VPS13C: variants seen among roughly 807,000 people sequenced by gnomAD.
The protein encoded by VPS13C is intermembrane lipid transfer protein VPS13C.
In VPS13C, 358 loss-of-function variants were observed where a neutral mutation model predicts 456.8. The ratio of observed to expected loss-of-function variants is 0.78; its 90% CI spans 0.72 to 0.86. The LOEUF is 0.86. VPS13C is among the 40% of genes least tolerant of loss of function. The pLI, the probability that VPS13C is intolerant of heterozygous loss-of-function variation, is 0.00. For missense variants in VPS13C, 4,818 were observed against 4,385.4 expected (o/e 1.10, Z -2.79); for synonymous variants, 1,578 against 1,486.7 (o/e 1.06, Z -1.41).
chr15:62,039,047 T>C (rs911629006), intron 3 of VPS13C, among the ~76,000 whole-genome samples: 3 of 151,988 alleles, frequency 2.0e-5, no homozygotes, highest in Admixed American at 6.6e-5. Flanking sequence ...TACGGAGATA[T>C]CTCAAAGAAC....
intron 81 of VPS13C, chr15:61,866,901 G>A (rs532680633): frequency 4.1e-6 from 4 of 983,402 alleles, no homozygotes; most frequent in East Asian, 2.3e-4. Flanking sequence ...TTAAATCTAA[G>A]TTTATACTTT....
intron 46 of VPS13C, 89 bp downstream of exon 46, chr15:61,941,674 C>T: frequency 7.2e-7 from 1 of 1,386,990 alleles, no homozygotes; most frequent in Non-Finnish European, 9.6e-7. Flanking sequence ...ATGAAAACCA[C>T]AAATTACTAC....
chr15:62,050,949 G>C (rs1330342275), intron 1 of VPS13C, among the ~76,000 whole-genome samples: 1 of 147,746 alleles, frequency 6.8e-6, no homozygotes, highest in Admixed American at 6.7e-5. Flanking sequence ...AAAAAAAGTA[G>C]AAATAGTTGC....
chr15:61,965,029 A>G (rs2045335427), intron 30 of VPS13C, among the ~76,000 whole-genome samples, 168 bp from the exon 31 acceptor site: 1 of 151,972 alleles, frequency 6.6e-6, no homozygotes, highest in Admixed American at 6.6e-5. Flanking sequence ...GGGAATATAC[A>G]GAGAAAAATT....
At chr15:62,009,791 T>C (rs962192406) in intron 13 of VPS13C, among the ~76,000 whole-genome samples, 3 of 151,962 alleles carry the variant, frequency 2.0e-5, no homozygotes, top group Non-Finnish European at 2.9e-5. Context: ...GGGAAACAAA[T>C]AGAGGAAAAA....
intron 66 of VPS13C, 68 bp downstream of exon 66, chr15:61,907,196 G>T: frequency 6.2e-7 from 1 of 1,606,272 alleles, no homozygotes; most frequent in South Asian, 1.1e-5. Context: ...AGGAGTCAGT[G>T]AAGATAGCTT....
intron 47 of VPS13C, 107 bp downstream of exon 47, chr15:61,940,540 A>G (rs1032594362): frequency 6.2e-6 from 7 of 1,127,122 alleles, no homozygotes; most frequent in Non-Finnish European, 8.4e-6. Context: ...GTTTAGCTTT[A>G]TCAATAACGT....
chr15:61,875,851 A>G lies in VPS13C; in HGVS notation c.10225-6T>C, dbSNP rs191499916. 1.1e-3 allele frequency: 1,643 copies of G among 1,547,410 alleles called. 1 individual carries two copies. The highest frequency in any genetic ancestry group is 1.3e-3 in the Non-Finnish European group (1,453 of 1,148,906). ...ACATACATCTGTTTCAAGAACTAAA[A>G]AAGAAAAAAAATTAAATTAAGTCCT... On this transcript the variant is annotated splice_polypyrimidine_tract_variant and splice_region_variant and intron_variant, in intron 75 of 84. Coordinates refer to ENST00000644861, the MANE Select transcript of VPS13C (RefSeq NM_020821.3).
Position 61,866,176 on chromosome 15 carries a change from A to G in VPS13C, c.10863+2483T>C, listed in dbSNP as rs1037298137. On this transcript the variant is annotated intron_variant, in intron 81 of 84. Coordinates refer to ENST00000644861, the MANE Select transcript of VPS13C (RefSeq NM_020821.3). Reference sequence around the variant, plus strand: ...AATAGCCTAAATATTTCAATTATCCATGCCCACACTTGACATCCACGACAA... The same window carrying G: ...AATAGCCTAAATATTTCAATTATCCGTGCCCACACTTGACATCCACGACAA... 3.2e-5 allele frequency: 32 copies of G among 984,902 alleles called. No homozygotes were observed. The African/African-American group carries it at 5.2e-4, about 16-fold the overall frequency. The allele number at this position is 984,902 out of a possible 1,614,324, so 61.0% of individuals were successfully genotyped here.
intron 9 of VPS13C, among the ~76,000 whole-genome samples, chr15:62,019,025 T>C (rs12441603): frequency 0.54 from 81,493 of 151,906 alleles, 22,256 homozygotes; most frequent in Admixed American, 0.62. Context: ...GGAGGGTGTA[T>C]GTGTCGAGGA....
rs1404151326 is a variant in VPS13C at position 61,922,544 on chromosome 15, A to G, written c.6828T>C (p.Cys2276=). The change falls in exon 54 of 85, where the codon TGT becomes TGC. Residue 2276 remains cysteine (C), a synonymous_variant. Coordinates refer to ENST00000644861, the MANE Select transcript of VPS13C (RefSeq NM_020821.3). ...GIEHSLIEEN[C]GVVVESIQVT... is the part of the protein sequence containing the mutation. The stretch of plus-strand genomic sequence containing the variant: ...CTTGAATGGATTCTACAACAACACC[A>G]CAATTTTCCTCTATCAGTGAATGTT... 4 of 1,614,102 alleles carry G rather than the reference A, an allele frequency of 2.5e-6. No homozygotes were observed. Among genetic ancestry groups the G allele is most frequent in the Non-Finnish European group, 3.4e-6 (4 of 1,179,978 alleles).
chr15:61,913,286 G>T (rs756827193), intron 62 of VPS13C, 25 bp downstream of exon 62: 2 of 1,598,250 alleles, frequency 1.3e-6, no homozygotes, highest in Admixed American at 1.7e-5. Flanking sequence ...CGGAATCAAA[G>T]GTAAATAAGG....
chr15:61,910,085 C>T (rs992191919), intron 64 of VPS13C, 92 bp downstream of exon 64: 7 of 750,982 alleles, frequency 9.3e-6, no homozygotes, highest in Admixed American at 1.1e-4. Context: ...ATGTAACAAA[C>T]CTGCACGTTC....
intron 66 of VPS13C, among the ~76,000 whole-genome samples, chr15:61,896,546 G>A (rs1362816017): frequency 6.6e-6 from 1 of 152,178 alleles, no homozygotes; most frequent in African/African-American, 2.4e-5. Context: ...TTTCCGACGG[G>A]CTTAAAAAAC....
chr15:62,060,085 C>G (rs550996513), intron 1 of VPS13C, among the ~76,000 whole-genome samples, 190 bp downstream of exon 1: 26 of 152,290 alleles, frequency 1.7e-4, no homozygotes, highest in Admixed American at 5.2e-4. Context: ...GCCGCATCTC[C>G]CCAGCCGGAG....
chr15:62,040,830 C>T (rs1478316548), intron 3 of VPS13C, among the ~76,000 whole-genome samples: 1 of 152,058 alleles, frequency 6.6e-6, no homozygotes, highest in Non-Finnish European at 1.5e-5. Context: ...TATATATTTA[C>T]TTATAGATGG....
At chr15:62,032,756 T>G (rs2047860632) in intron 5 of VPS13C, among the ~76,000 whole-genome samples, 1 of 151,728 alleles carries the variant, frequency 6.6e-6, no homozygotes, top group Non-Finnish European at 1.5e-5. Flanking sequence ...TATAAAATGC[T>G]AATAACTCAT....
At chr15:61,877,865 A>C (rs2140895433) in intron 74 of VPS13C, among the ~76,000 whole-genome samples, 1 of 151,974 alleles carries the variant, frequency 6.6e-6, no homozygotes, top group East Asian at 1.9e-4. Context: ...ATTATCTCCT[A>C]TTGTTCTCTG....
intron 11 of VPS13C, among the ~76,000 whole-genome samples, chr15:62,012,435 G>A (rs1349510245): frequency 6.6e-6 from 1 of 151,846 alleles, no homozygotes; most frequent in Non-Finnish European, 1.5e-5. Context: ...GTACATATAT[G>A]TATATCCATA....
Sources: allele counts gnomAD v4.1 joint callset (sites outside exome capture counted in the v4.1 genomes callset), GRCh38; gene constraint gnomAD v4.1.1; transcripts MANE v1.5; gene names NCBI Gene and HGNC (gene_info 2026-07-23, HGNC 2026-07-21).